Variants in TMTC1 observed in about 807,000 individuals in gnomAD.
TMTC1 encodes the protein transmembrane O-mannosyltransferase targeting cadherins 1.
A neutral mutation model predicts 104.8 loss-of-function variants in TMTC1; 73 were observed. The observed-to-expected ratio is 0.70, with a 90% CI of 0.58 to 0.85. The LOEUF (loss-of-function observed/expected upper bound fraction) is 0.85, where lower values mean the gene tolerates loss of function less well. Among genes scored for constraint, TMTC1 ranks in the 40% least tolerant of loss-of-function variants. The pLI is 0.00. For synonymous variants in TMTC1, 434 were observed against 428.7 expected, an observed-to-expected ratio of 1.01 and a Z score of -0.15; for missense variants, 1,035 against 1,096.1, an observed-to-expected ratio of 0.94 and a Z score of 0.79.
intron 5 of TMTC1, among the ~76,000 whole-genome samples, chr12:29,680,331 G>A (rs1940871318): frequency 1.3e-5 from 2 of 152,230 alleles, no homozygotes; most frequent in South Asian, 4.2e-4. Context: ...CCCTGATTTG[G>A]GTCCTAAAAT....
intron 5 of TMTC1, among the ~76,000 whole-genome samples, chr12:29,719,582 C>T (rs992907185): frequency 6.6e-6 from 1 of 152,180 alleles, no homozygotes; most frequent in African/African-American, 2.4e-5. Context: ...AGGGTGTAAC[C>T]CTTGAGAATC....
chr12:29,529,601 G>A (rs1386116197), intron 11 of TMTC1, among the ~76,000 whole-genome samples: 1 of 152,060 alleles, frequency 6.6e-6, no homozygotes. Flanking sequence ...TCATGTCAAC[G>A]ACTTCTCCAA....
chr12:29,555,725 T>C (rs538078022), intron 10 of TMTC1, among the ~76,000 whole-genome samples: 2 of 152,360 alleles, frequency 1.3e-5, no homozygotes, highest in Admixed American at 6.5e-5. Flanking sequence ...AGTCTATCAC[T>C]GATGGGCATT....
chr12:29,761,664 C>T (rs1943352968), intron 2 of TMTC1, among the ~76,000 whole-genome samples: 1 of 150,764 alleles, frequency 6.6e-6, no homozygotes. Context: ...AGAACAGGTA[C>T]CATAAGAGCT....
chr12:29,621,298 C>T (rs1937659682), intron 6 of TMTC1, among the ~76,000 whole-genome samples: 1 of 152,156 alleles, frequency 6.6e-6, no homozygotes, highest in Admixed American at 6.5e-5. Flanking sequence ...GATCCTTGTG[C>T]CATAATACCA....
At chr12:29,751,637 T>A in intron 5 of TMTC1, 29 bp downstream of exon 5, 1 of 1,612,928 alleles carries the variant, frequency 6.2e-7, no homozygotes, top group African/African-American at 1.3e-5. Flanking sequence ...ATTGAAAACA[T>A]GCAGGGACCA....
In TMTC1 at chr12:29,502,557, C is replaced by G. The variant is rs1218890870; in HGVS notation, c.*4289G>C. On this transcript the variant is annotated 3_prime_UTR_variant, in exon 18 of 18. Coordinates refer to ENST00000539277, the MANE Select transcript of TMTC1 (RefSeq NM_001193451.2). ...TCCATCTGAGAACGAGGAATTGTGT[C>G]ATTTTAAGGCCAAATTGCAGTCCAA... The G allele has an allele frequency of 6.6e-6, 1 of 152,094 alleles. No homozygotes were observed. Among genetic ancestry groups the G allele is most frequent in the Non-Finnish European group, 1.5e-5 (1 of 68,026 alleles). The allele number at this position is 152,094 out of a possible 1,614,324, so 9.4% of individuals were successfully genotyped here.
intron 5 of TMTC1, among the ~76,000 whole-genome samples, chr12:29,665,769 A>G (rs1314216255): frequency 1.3e-5 from 2 of 152,070 alleles, no homozygotes; most frequent in African/African-American, 4.8e-5. Context: ...AGAAACCCCC[A>G]CCATCAGAGC....
chr12:29,531,950 G>A, intron 11 of TMTC1, among the ~76,000 whole-genome samples: 1 of 152,114 alleles, frequency 6.6e-6, no homozygotes, highest in East Asian at 1.9e-4. Context: ...TGGCAGGTGA[G>A]GAGCTTGGAG....
At chr12:29,745,154 C>T (rs558956702) in intron 5 of TMTC1, among the ~76,000 whole-genome samples, 5 of 152,142 alleles carry the variant, frequency 3.3e-5, no homozygotes, top group African/African-American at 1.2e-4. Flanking sequence ...AGCAAAACAC[C>T]GCCATTCATT....
intron 7 of TMTC1, among the ~76,000 whole-genome samples, chr12:29,595,909 T>C (rs747005975): frequency 3.9e-5 from 6 of 152,196 alleles, no homozygotes; most frequent in Admixed American, 2.0e-4. Flanking sequence ...TACACTGTGG[T>C]GAGTAACATG....
At chr12:29,728,981 G>C (rs1178230544) in intron 5 of TMTC1, among the ~76,000 whole-genome samples, 3 of 137,254 alleles carry the variant, frequency 2.2e-5, no homozygotes, top group Non-Finnish European at 3.1e-5. Context: ...CCTGGTGACA[G>C]TGCAAGACTC....
chr12:29,560,624 A>G (rs984245322), intron 9 of TMTC1, among the ~76,000 whole-genome samples: 1 of 152,158 alleles, frequency 6.6e-6, no homozygotes, highest in Admixed American at 6.5e-5. Context: ...ATTAAAAAAA[A>G]TAACAAAACA....
At chr12:29,696,089 AC>A (rs908841921) in intron 5 of TMTC1, among the ~76,000 whole-genome samples, 1 of 152,094 alleles carries the variant, frequency 6.6e-6, no homozygotes, top group Non-Finnish European at 1.5e-5. Flanking sequence ...TTGGACAAGA[AC>A]AAAGTATTTT....
intron 11 of TMTC1, among the ~76,000 whole-genome samples, chr12:29,531,010 T>C (rs537950590): frequency 1.3e-5 from 2 of 152,304 alleles, no homozygotes; most frequent in African/African-American, 2.4e-5. Flanking sequence ...CCCCTTAACA[T>C]GTTCACTGGT....
chr12:29,755,205 C>T (rs932464863), intron 4 of TMTC1, among the ~76,000 whole-genome samples: 9 of 152,116 alleles, frequency 5.9e-5, no homozygotes, highest in African/African-American at 2.2e-4. Flanking sequence ...ATGACGTGTA[C>T]GTACTCCTGT....
chr12:29,701,399 G>C (rs896406101), intron 5 of TMTC1, among the ~76,000 whole-genome samples: 6 of 152,148 alleles, frequency 3.9e-5, no homozygotes, highest in Admixed American at 1.3e-4. Flanking sequence ...GTCCATTCCT[G>C]CAAGATGGAG....
intron 5 of TMTC1, among the ~76,000 whole-genome samples, chr12:29,738,807 T>C (rs1368462249): frequency 6.6e-6 from 1 of 152,224 alleles, no homozygotes; most frequent in African/African-American, 2.4e-5. Flanking sequence ...AATTAACATG[T>C]ATGGATACAT....
chr12:29,699,310 T>C (rs1221536243), intron 5 of TMTC1, among the ~76,000 whole-genome samples: 1 of 152,204 alleles, frequency 6.6e-6, no homozygotes. Flanking sequence ...TTTCTATGAA[T>C]TTCATATCTA....
Sources: gnomAD v4.1 joint callset for allele counts (sites outside exome capture counted in the v4.1 genomes callset) on GRCh38, gnomAD v4.1.1 for gene constraint, MANE v1.5 for transcripts, NCBI Gene and HGNC (gene_info 2026-07-23, HGNC 2026-07-21) for gene names.